The following MAML3 variants were observed in gnomAD, a reference collection of about 807,000 sequenced individuals.
MAML3 encodes mastermind-like protein 3.
In MAML3, 27 loss-of-function variants were observed where a neutral mutation model predicts 101.9. That is an observed-to-expected ratio of 0.27 (90% CI 0.20 to 0.37). The LOEUF is 0.37. Among genes scored for constraint, MAML3 ranks in the 10% least tolerant of loss-of-function variants. The pLI is 1.00. For synonymous variants in MAML3, 501 were observed against 555.9 expected, an observed-to-expected ratio of 0.90 and a Z score of 1.39; for missense variants, 1,316 against 1,444.9, an observed-to-expected ratio of 0.91 and a Z score of 1.45.
At chr4:139,846,322 T>C (rs1210398839) in intron 2 of MAML3, among the ~76,000 whole-genome samples, 1 of 152,040 alleles carries the variant, frequency 6.6e-6, no homozygotes, top group East Asian at 1.9e-4. Context: ...TAAATATTAT[T>C]TTATATTTAA....
At chr4:140,111,410 C>T (rs566105600) in intron 1 of MAML3, among the ~76,000 whole-genome samples, 1 of 152,172 alleles carries the variant, frequency 6.6e-6, no homozygotes, top group African/African-American at 2.4e-5. Context: ...GATAGAGATG[C>T]GTGCAAACAC....
Position 140,153,592 on chromosome 4 carries a change from A to C in MAML3, c.-265T>G, listed in dbSNP as rs1729218320. ...GAATACCATCAGACACCTATCAACA[A>C]AAAGAATCACAACAAACTGAGCCAG... On this transcript the variant is annotated 5_prime_UTR_variant, in exon 1 of 5. Coordinates refer to ENST00000509479, the MANE Select transcript of MAML3 (RefSeq NM_018717.5). 1 of 419,154 alleles carries C rather than the reference A, an allele frequency of 2.4e-6. No homozygotes were observed. Among genetic ancestry groups the C allele is most frequent in the Non-Finnish European group, 4.2e-6 (1 of 238,386 alleles). 26.0% of individuals were successfully genotyped at this position (419,154 alleles called of 1,614,324 possible).
rs373120526 is a variant in MAML3, at chr4:139,832,859, G to A, written c.2079+56498C>T. On this transcript the variant is annotated intron_variant, in intron 2 of 4. Coordinates refer to ENST00000509479, the MANE Select transcript of MAML3 (RefSeq NM_018717.5). ...TATCTGATATTTGTCCACATCATCC[G>A]CAGTGATCAGCCTGGATTCTTCCTC... 7.0e-4 allele frequency among the ~76,000 whole-genome samples: 106 copies of A among 152,280 alleles called. 1 individual carries two copies. The highest frequency in any genetic ancestry group is 2.3e-3 in the African/African-American group (94 of 41,546).
chr4:139,839,544 G>A (rs948850184), intron 2 of MAML3, among the ~76,000 whole-genome samples: 1 of 151,688 alleles, frequency 6.6e-6, no homozygotes, highest in Admixed American at 6.6e-5. Context: ...AATCAACTTA[G>A]GGAGCAGATA....
intron 2 of MAML3, among the ~76,000 whole-genome samples, chr4:139,755,390 C>T (rs192099998): frequency 1.7e-4 from 26 of 152,262 alleles, no homozygotes; most frequent in Non-Finnish European, 1.3e-4. Context: ...GGGTGGATCA[C>T]GAGGTCAGGA....
intron 2 of MAML3, among the ~76,000 whole-genome samples, chr4:139,846,371 G>A (rs910557357): frequency 2.0e-5 from 3 of 152,008 alleles, no homozygotes; most frequent in Non-Finnish European, 4.4e-5. Context: ...TTGTGAGACA[G>A]GGTCTCACTC....
chr4:139,824,405 C>G (rs1298338700), intron 2 of MAML3, among the ~76,000 whole-genome samples: 1 of 152,174 alleles, frequency 6.6e-6, no homozygotes, highest in African/African-American at 2.4e-5. Flanking sequence ...CTCAGCGTCT[C>G]CCAGTTGCTG....
intron 1 of MAML3, among the ~76,000 whole-genome samples, chr4:139,978,790 C>A (rs910856751): frequency 1.3e-5 from 2 of 152,096 alleles, no homozygotes; most frequent in Non-Finnish European, 2.9e-5. Flanking sequence ...ACATCCCCCC[C>A]AGAGACCTTG....
chr4:139,776,228 A>AT (rs141310474), intron 2 of MAML3, among the ~76,000 whole-genome samples: 98 of 152,146 alleles, frequency 6.4e-4, no homozygotes, highest in Non-Finnish European at 5.1e-4. Context: ...TGGGATATTT[A>AT]TTTTTGTTGT....
At chr4:139,848,028 C>T (rs766297376) in intron 2 of MAML3, among the ~76,000 whole-genome samples, 12 of 152,154 alleles carry the variant, frequency 7.9e-5, no homozygotes, top group Admixed American at 2.6e-4. Context: ...ATATTGTAAG[C>T]GACCCTGGGG....
At chr4:139,889,195 G>T in intron 2 of MAML3, 162 bp downstream of exon 2, 1 of 1,361,240 alleles carries the variant, frequency 7.3e-7, no homozygotes, top group Non-Finnish European at 1.0e-6. Flanking sequence ...AGGAGAAATG[G>T]AAAAAGAACA....
chr4:139,862,759 A>G (rs1731806957), intron 2 of MAML3, among the ~76,000 whole-genome samples: 1 of 152,212 alleles, frequency 6.6e-6, no homozygotes, highest in Non-Finnish European at 1.5e-5. Context: ...GCACTGGACT[A>G]GAATAGAACT....
At chr4:140,148,437 C>T (rs1729099978) in intron 1 of MAML3, among the ~76,000 whole-genome samples, 1 of 152,104 alleles carries the variant, frequency 6.6e-6, no homozygotes, top group East Asian at 1.9e-4. Flanking sequence ...GAAAAAAATA[C>T]ATATGAAGGA....
chr4:140,085,068 A>G (rs948505108), intron 1 of MAML3, among the ~76,000 whole-genome samples: 5 of 152,190 alleles, frequency 3.3e-5, no homozygotes, highest in Admixed American at 3.3e-4. Flanking sequence ...CTGGCATCCC[A>G]GTATCTGCCC....
Position 140,078,151 on chromosome 4 carries a change from G to T in MAML3, c.468+74709C>A, listed in dbSNP as rs75185971. Among the ~76,000 whole-genome samples, 21 of 152,206 alleles carry T rather than the reference G, an allele frequency of 1.4e-4. No individual in the cohort carries two copies. In the East Asian group the frequency reaches 3.9e-3, roughly 28 times the overall value. ...CCTCCCTTCTTCACTCCCTGTCCTT[G>T]TAACAGGGTCTGAAAACAACAGGGA... is the stretch of plus-strand genomic sequence containing the variant. On this transcript the variant is annotated intron_variant, in intron 1 of 4. Coordinates refer to ENST00000509479, the MANE Select transcript of MAML3 (RefSeq NM_018717.5).
At chr4:140,048,376 C>T (rs1435420594) in intron 1 of MAML3, among the ~76,000 whole-genome samples, 1 of 152,206 alleles carries the variant, frequency 6.6e-6, no homozygotes, top group African/African-American at 2.4e-5. Context: ...ATAAAGCCAT[C>T]TCCAAAAGGT....
intron 3 of MAML3, among the ~76,000 whole-genome samples, chr4:139,728,969 AG>A (rs1289537046): frequency 2.0e-5 from 3 of 152,032 alleles, no homozygotes; most frequent in Non-Finnish European, 4.4e-5. Context: ...GGCTGAGGAG[AG>A]GATTTACAGA....
At chr4:139,753,976 A>T (rs1284926685) in intron 2 of MAML3, among the ~76,000 whole-genome samples, 1 of 152,218 alleles carries the variant, frequency 6.6e-6, no homozygotes, top group East Asian at 1.9e-4. Context: ...GAGTTAATGA[A>T]AAACCTCTTT....
chr4:140,151,263 G>C (rs1194616085), intron 1 of MAML3, among the ~76,000 whole-genome samples: 1 of 152,050 alleles, frequency 6.6e-6, no homozygotes, highest in Non-Finnish European at 1.5e-5. Context: ...CGGCGGGACT[G>C]GGCAGGATCG....
Sources: gnomAD v4.1 joint callset for allele counts (sites outside exome capture counted in the v4.1 genomes callset) on GRCh38, gnomAD v4.1.1 for gene constraint, MANE v1.5 for transcripts, NCBI Gene and HGNC (gene_info 2026-07-23, HGNC 2026-07-21) for gene names.